RPS6KA5: variants seen among roughly 807,000 people sequenced by gnomAD.
The protein encoded by RPS6KA5 is ribosomal protein S6 kinase A5, also known as ribosomal protein S6 kinase alpha-5.
A neutral mutation model predicts 85.5 loss-of-function variants in RPS6KA5; 27 were observed. The observed-to-expected ratio is 0.32, with a 90% CI of 0.23 to 0.44. The LOEUF is 0.44. Among genes scored for constraint, RPS6KA5 ranks in the 20% least tolerant of loss-of-function variants. The pLI is 1.00. For synonymous variants in RPS6KA5, 334 were observed against 348.2 expected, an observed-to-expected ratio of 0.96 and a Z score of 0.46; for missense variants, 811 against 980.9, an observed-to-expected ratio of 0.83 and a Z score of 2.31.
At position 90,854,698 on chromosome 14, in the gene RPS6KA5, A is replaced by G. The variant is rs2032185850; in HGVS notation, c.*17376T>C. ...AAAAAATATACTATACTTACTACAAATACATTATCTTCTAAGCCCATTCTT... is the reference window on the plus strand; with the variant it reads ...AAAAAATATACTATACTTACTACAAGTACATTATCTTCTAAGCCCATTCTT... On this transcript the variant is annotated 3_prime_UTR_variant, in exon 17 of 17. Transcript: ENST00000614987. The G allele has an allele frequency of 1.3e-5, 2 of 152,300 alleles. No individual in the cohort carries two copies. The highest frequency in any genetic ancestry group is 4.1e-4 in the South Asian group (2 of 4,830). 9.4% of individuals were successfully genotyped at this position (152,300 alleles called of 1,614,324 possible).
At chr14:91,019,974 T>C (rs1018476406) in intron 1 of RPS6KA5, among the ~76,000 whole-genome samples, 12 of 152,240 alleles carry the variant, frequency 7.9e-5, no homozygotes, top group African/African-American at 2.9e-4. Flanking sequence ...TGATCTAGCC[T>C]ATTGCTCCTG....
chr14:90,935,773 T>C (rs1364400788), intron 5 of RPS6KA5, among the ~76,000 whole-genome samples: 3 of 152,224 alleles, frequency 2.0e-5, no homozygotes, highest in Non-Finnish European at 4.4e-5. Flanking sequence ...ACCTTAAAGT[T>C]GTATTTATCT....
intron 13 of RPS6KA5, among the ~76,000 whole-genome samples, chr14:90,891,874 C>T (rs1017582982): frequency 2.0e-5 from 3 of 152,198 alleles, no homozygotes; most frequent in African/African-American, 7.2e-5. Context: ...GTGTAAGGCA[C>T]TGTCCACACA....
At chr14:91,044,875 A>G (rs970082291) in intron 1 of RPS6KA5, among the ~76,000 whole-genome samples, 2 of 152,060 alleles carry the variant, frequency 1.3e-5, no homozygotes, top group South Asian at 4.1e-4. Flanking sequence ...GTCAAAAAAA[A>G]AAAAAAGAAA....
intron 2 of RPS6KA5, among the ~76,000 whole-genome samples, chr14:90,988,263 T>C (rs1338048542): frequency 6.6e-6 from 1 of 152,222 alleles, no homozygotes; most frequent in African/African-American, 2.4e-5. Flanking sequence ...GAAATGACAT[T>C]CACTTATGTA....
At chr14:90,932,377 T>A (rs750608808) in intron 5 of RPS6KA5, among the ~76,000 whole-genome samples, 2 of 152,126 alleles carry the variant, frequency 1.3e-5, no homozygotes, top group African/African-American at 2.4e-5. Context: ...TGGGCTCAAG[T>A]GATCCTCCTA....
rs1454967296 is a variant in RPS6KA5, at chr14:90,866,997, GTTAA to G, written c.*5073_*5076del. Reference sequence around the variant, plus strand: ...ACCACAGCAACAGAGCTTTAATGAGGTTAATTGTCACATACATATCCATTCCAAC... The same window carrying G: ...ACCACAGCAACAGAGCTTTAATGAGGTTGTCACATACATATCCATTCCAAC... On this transcript the variant is annotated 3_prime_UTR_variant, in exon 17 of 17. Transcript: ENST00000614987. The G allele has an allele frequency of 5.9e-5, 9 of 152,172 alleles. No individual in the cohort carries two copies. Among genetic ancestry groups the G allele is most frequent in the African/African-American group, 1.9e-4 (8 of 41,450 alleles). The allele number at this position is 152,172 out of a possible 1,614,324, so 9.4% of individuals were successfully genotyped here.
At chr14:90,912,136 A>ACTCC (rs1436042837) in intron 7 of RPS6KA5, among the ~76,000 whole-genome samples, 1 of 151,624 alleles carries the variant, frequency 6.6e-6, no homozygotes, top group Non-Finnish European at 1.5e-5. Context: ...ATTTGTCAAA[A>ACTCC]CTCCCTGATA....
chr14:91,047,588 T>C (rs2042926792), intron 1 of RPS6KA5, among the ~76,000 whole-genome samples: 1 of 152,228 alleles, frequency 6.6e-6, no homozygotes, highest in Non-Finnish European at 1.5e-5. Context: ...ACCCATATCT[T>C]GGGGCAAAAT....
chr14:90,933,691 T>C lies in RPS6KA5; in HGVS notation c.618+9387A>G, dbSNP rs2037111120. On this transcript the variant is annotated intron_variant, in intron 5 of 16. Coordinates refer to ENST00000614987, the MANE Select transcript of RPS6KA5 (RefSeq NM_004755.4). ...TACTCTTCTACTCAAAACTCCCCAG[T>C]GGCTCCCCATTTTGTGCAGGGAAGA... Among the ~76,000 whole-genome samples, 5 of 152,314 alleles carry C rather than the reference T, an allele frequency of 3.3e-5. No homozygotes were observed. The South Asian group carries it at 1.0e-3, about 32-fold the overall frequency.
intron 1 of RPS6KA5, among the ~76,000 whole-genome samples, chr14:91,019,590 A>G (rs1370543845): frequency 6.6e-6 from 1 of 152,188 alleles, no homozygotes; most frequent in African/African-American, 2.4e-5. Flanking sequence ...AAATCTTTTT[A>G]TATTTATACA....
chr14:91,021,422 C>T (rs1253410378), intron 1 of RPS6KA5, among the ~76,000 whole-genome samples: 2 of 152,128 alleles, frequency 1.3e-5, no homozygotes, highest in Non-Finnish European at 1.5e-5. Context: ...AGGAGGATTG[C>T]TTGAGCCCAG....
intron 3 of RPS6KA5, among the ~76,000 whole-genome samples, chr14:90,963,776 C>A (rs1343142400): frequency 6.6e-6 from 1 of 152,186 alleles, no homozygotes; most frequent in Non-Finnish European, 1.5e-5. Flanking sequence ...TAGGATCCTG[C>A]AGCTAGGATA....
chr14:90,965,457 G>A (rs1262951437), intron 3 of RPS6KA5, among the ~76,000 whole-genome samples: 1 of 152,202 alleles, frequency 6.6e-6, no homozygotes, highest in East Asian at 1.9e-4. Context: ...ATTTTAAGGT[G>A]CAAAAGAAAG....
chr14:90,988,965 A>AT (rs1374780290), intron 2 of RPS6KA5, among the ~76,000 whole-genome samples: 1 of 152,238 alleles, frequency 6.6e-6, no homozygotes, highest in African/African-American at 2.4e-5. Flanking sequence ...CACTTGTTAA[A>AT]TTTTTATTAA....
At chr14:90,919,081 C>T (rs2036268944) in intron 7 of RPS6KA5, among the ~76,000 whole-genome samples, 1 of 152,286 alleles carries the variant, frequency 6.6e-6, no homozygotes, top group African/African-American at 2.4e-5. Flanking sequence ...TCACTGTGTG[C>T]TTACCAACAC....
intron 1 of RPS6KA5, among the ~76,000 whole-genome samples, chr14:91,044,392 G>GGAAAGAAAGAAAGAAAGAAA (rs71461930): frequency 3.6e-5 from 2 of 55,172 alleles, no homozygotes; most frequent in African/African-American, 6.4e-5. Context: ...AAAGAAAGAA[G>GGAAAGAAAGAAAGAAAGAAA]GAAAGAAAGA....
chr14:90,983,149 T>C (rs911528424), intron 2 of RPS6KA5, among the ~76,000 whole-genome samples: 2 of 146,576 alleles, frequency 1.4e-5, no homozygotes, highest in Non-Finnish European at 3.0e-5. Flanking sequence ...TGGTGGCGGG[T>C]GCCTGGAATC....
At chr14:90,996,381 G>GGTTCTTGT (rs2140555886) in intron 2 of RPS6KA5, among the ~76,000 whole-genome samples, 1 of 151,880 alleles carries the variant, frequency 6.6e-6, no homozygotes, top group East Asian at 1.9e-4. Flanking sequence ...TTAGTCTCAT[G>GGTTCTTGT]GTTCTTGTTA....
Sources: allele counts gnomAD v4.1 joint callset (sites outside exome capture counted in the v4.1 genomes callset), GRCh38; gene constraint gnomAD v4.1.1; transcripts MANE v1.5; gene names NCBI Gene and HGNC (gene_info 2026-07-23, HGNC 2026-07-21).